Variants in DLG2 observed in about 807,000 individuals in gnomAD.
The protein encoded by DLG2 is discs large MAGUK scaffold protein 2.
DLG2 carries 45 observed loss-of-function variants against 132.5 expected under a neutral mutation model. That is an observed-to-expected ratio of 0.34 (90% CI 0.27 to 0.44). DLG2 has a LOEUF of 0.44. Ranked by LOEUF, DLG2 falls within the 20% of genes least tolerant of loss-of-function variation. DLG2 has a pLI of 1.00. For synonymous variants in DLG2, 424 were observed against 419.6 expected, an observed-to-expected ratio of 1.01 and a Z score of -0.13; for missense variants, 1,045 against 1,196.9, an observed-to-expected ratio of 0.87 and a Z score of 1.87.
At chr11:85,519,305 G>T (rs1023934349) in intron 3 of DLG2, among the ~76,000 whole-genome samples, 3 of 152,220 alleles carry the variant, frequency 2.0e-5, no homozygotes, top group African/African-American at 7.2e-5. Context: ...AAAAACCACA[G>T]GGGCAGAGAT....
rs111588728 is a variant in DLG2, at chr11:84,214,244, T to C, written c.573+36994A>G. 5.6e-4 allele frequency among the ~76,000 whole-genome samples: 77 copies of C among 137,696 alleles called. 1 individual carries two copies. Among genetic ancestry groups the C allele is most frequent in the East Asian group, 3.2e-3 (16 of 5,042 alleles). The allele number at this position is 137,696 out of a possible 152,430, so 90.3% of individuals were successfully genotyped here. On this transcript the variant is annotated intron_variant, in intron 8 of 27. Coordinates refer to ENST00000376104, the MANE Select transcript of DLG2 (RefSeq NM_001142699.3). ...ATACATATATACATATATATGAATA[T>C]ATATATACATATATATGAATATATA...
intron 16 of DLG2, among the ~76,000 whole-genome samples, chr11:83,856,211 C>A (rs1361193431): frequency 6.6e-6 from 1 of 152,114 alleles, no homozygotes; most frequent in Non-Finnish European, 1.5e-5. Flanking sequence ...GTATGTACCA[C>A]ATTTTCTTTA....
chr11:85,603,048 A>G (rs932951352), intron 2 of DLG2, among the ~76,000 whole-genome samples: 1 of 152,214 alleles, frequency 6.6e-6, no homozygotes, highest in Non-Finnish European at 1.5e-5. Flanking sequence ...TCTTCTATCT[A>G]GTAAGATTAG....
rs146410347 is a variant in DLG2 at position 83,480,836 on chromosome 11, C to T, written c.2293+3293G>A. Among the ~76,000 whole-genome samples, 259 of 152,010 alleles carry T rather than the reference C, an allele frequency of 1.7e-3. 3 individuals are homozygous for T. The highest frequency in any genetic ancestry group is 6.0e-3 in the African/African-American group (250 of 41,478). ...TGTTTTCTTGCAGGCTTTTTTATTT[C>T]TCAATTTTAGCCTTTAAGAATTTTG... On this transcript the variant is annotated intron_variant, in intron 22 of 27. Coordinates refer to ENST00000376104, the MANE Select transcript of DLG2 (RefSeq NM_001142699.3).
At chr11:84,750,925 T>C (rs989514690) in intron 6 of DLG2, among the ~76,000 whole-genome samples, 1 of 152,170 alleles carries the variant, frequency 6.6e-6, no homozygotes, top group African/African-American at 2.4e-5. Flanking sequence ...GATGGGATAA[T>C]TGAGAAATGT....
chr11:84,638,442 T>C (rs1470980610), intron 6 of DLG2, among the ~76,000 whole-genome samples: 1 of 152,138 alleles, frequency 6.6e-6, no homozygotes, highest in East Asian at 1.9e-4. Flanking sequence ...ACAAAATAGG[T>C]GACAGTCCCA....
chr11:84,017,788 TA>T (rs1008772721), intron 11 of DLG2, among the ~76,000 whole-genome samples: 54 of 151,990 alleles, frequency 3.6e-4, no homozygotes, highest in African/African-American at 1.3e-3. Context: ...TTACAACACT[TA>T]AAAAGTATTT....
chr11:84,271,062 AGAGT>A (rs1196865493), intron 7 of DLG2, among the ~76,000 whole-genome samples: 1 of 152,222 alleles, frequency 6.6e-6, no homozygotes, highest in Non-Finnish European at 1.5e-5. Context: ...GGGAATACAT[AGAGT>A]ACCTTTTCTG....
At chr11:85,486,141 C>A (rs933028130) in intron 3 of DLG2, among the ~76,000 whole-genome samples, 8 of 150,812 alleles carry the variant, frequency 5.3e-5, no homozygotes, top group African/African-American at 1.5e-4. Flanking sequence ...TGCACCCTAC[C>A]CTTGAGCTGG....
At chr11:83,862,768 C>A (rs905884558) in intron 16 of DLG2, among the ~76,000 whole-genome samples, 1 of 152,112 alleles carries the variant, frequency 6.6e-6, no homozygotes, top group African/African-American at 2.4e-5. Flanking sequence ...GTTGGCTTAT[C>A]TCCCTTAGTG....
chr11:85,080,961 T>C (rs1282681086), intron 6 of DLG2, among the ~76,000 whole-genome samples: 1 of 152,282 alleles, frequency 6.6e-6, no homozygotes, highest in East Asian at 1.9e-4. Context: ...CAAAACATTT[T>C]ATTAAAACTA....
intron 18 of DLG2, among the ~76,000 whole-genome samples, chr11:83,762,679 C>T (rs1452101652): frequency 2.0e-5 from 3 of 151,754 alleles, no homozygotes; most frequent in Non-Finnish European, 2.9e-5. Flanking sequence ...CTCCTGGGTT[C>T]ATGCCATTCT....
At chr11:84,702,038 T>C (rs1427287563) in intron 6 of DLG2, among the ~76,000 whole-genome samples, 1 of 151,642 alleles carries the variant, frequency 6.6e-6, no homozygotes, top group Non-Finnish European at 1.5e-5. Flanking sequence ...AACTGCTTTG[T>C]TCATTTCCAC....
intron 15 of DLG2, among the ~76,000 whole-genome samples, chr11:83,886,861 C>T (rs1028077943): frequency 9.3e-5 from 14 of 150,400 alleles, no homozygotes; most frequent in South Asian, 6.2e-4. Context: ...GGGTACATAA[C>T]GAAATGAAGG....
At chr11:83,601,677 A>C (rs2058588894) in intron 19 of DLG2, among the ~76,000 whole-genome samples, 1 of 150,476 alleles carries the variant, frequency 6.6e-6, no homozygotes. Context: ...ATGCCAAGCT[A>C]ATTTTTGTAT....
intron 15 of DLG2, among the ~76,000 whole-genome samples, chr11:83,920,861 G>GTCTA (rs1157229578): frequency 5.3e-5 from 8 of 150,868 alleles, no homozygotes; most frequent in Admixed American, 4.0e-4. Context: ...TTCATTGTCT[G>GTCTA]TCTATCTATC....
At chr11:84,781,057 A>ATGTGTGTGTGTGTG (rs35479707) in intron 6 of DLG2, among the ~76,000 whole-genome samples, 6 of 142,934 alleles carry the variant, frequency 4.2e-5, no homozygotes, top group Admixed American at 3.6e-4. Context: ...TCATAACTTA[A>ATGTGTGTGTGTGTG]TGTGTGTGTG....
chr11:83,707,269 G>C (rs980721706), intron 18 of DLG2, among the ~76,000 whole-genome samples: 1 of 152,138 alleles, frequency 6.6e-6, no homozygotes, highest in African/African-American at 2.4e-5. Flanking sequence ...GTTGCCCTTA[G>C]GAGTTCCTGT....
intron 3 of DLG2, among the ~76,000 whole-genome samples, chr11:85,590,739 G>A (rs1055804088): frequency 6.6e-6 from 1 of 151,490 alleles, no homozygotes; most frequent in Non-Finnish European, 1.5e-5. Context: ...TAGTTTGCTT[G>A]CTATAGGAAA....
Sources: gnomAD v4.1 joint callset for allele counts (sites outside exome capture counted in the v4.1 genomes callset) on GRCh38, gnomAD v4.1.1 for gene constraint, MANE v1.5 for transcripts, NCBI Gene and HGNC (gene_info 2026-07-23, HGNC 2026-07-21) for gene names.